Variants in RIMS2 observed in about 807,000 individuals in gnomAD.
The protein encoded by RIMS2 is regulating synaptic membrane exocytosis 2, also known as regulating synaptic membrane exocytosis protein 2.
A neutral mutation model predicts 174.4 loss-of-function variants in RIMS2; 59 were observed. That is an observed-to-expected ratio of 0.34 (90% CI 0.27 to 0.42). The LOEUF (loss-of-function observed/expected upper bound fraction) is 0.42. RIMS2 is among the 10% of genes least tolerant of loss of function. The pLI, the probability that RIMS2 is intolerant of heterozygous loss-of-function variation, is 1.00. For synonymous variants in RIMS2, 606 were observed against 572.5 expected, an observed-to-expected ratio of 1.06 and a Z score of -0.84; for missense variants, 1,620 against 1,666.3, an observed-to-expected ratio of 0.97 and a Z score of 0.48.
chr8:103,956,812 G>A (rs1407081191), intron 14 of RIMS2, among the ~76,000 whole-genome samples: 1 of 152,164 alleles, frequency 6.6e-6, no homozygotes, highest in Non-Finnish European at 1.5e-5. Flanking sequence ...GAGTGAACAG[G>A]CAACCTACAG....
At position 103,591,648 on chromosome 8, in the gene RIMS2, C is replaced by A. The variant is rs137908617; in HGVS notation, c.176+90586C>A. ...TTTTCCATATGGATATCCAGTTTTGCAGTATTAGTTGTTAAACAAAATTTT... is the reference window on the plus strand; with the variant it reads ...TTTTCCATATGGATATCCAGTTTTGAAGTATTAGTTGTTAAACAAAATTTT... On this transcript the variant is annotated intron_variant, in intron 1 of 23. Transcript: ENST00000504942. 6.2e-3 allele frequency among the ~76,000 whole-genome samples: 937 copies of A among 151,138 alleles called. 12 individuals carry two copies. The highest frequency in any genetic ancestry group is 0.021 in the African/African-American group (887 of 41,454).
At chr8:103,936,846 A>C in intron 13 of RIMS2, 124 bp downstream of exon 15, 50 of 686,242 alleles carry the variant, frequency 7.3e-5, no homozygotes, top group Non-Finnish European at 1.1e-4. Context: ...CTGTAATCTC[A>C]GCACTTTGGG....
intron 19 of RIMS2, among the ~76,000 whole-genome samples, chr8:104,211,939 A>G (rs2099107273): frequency 6.6e-6 from 1 of 152,234 alleles, no homozygotes; most frequent in South Asian, 2.1e-4. Flanking sequence ...AGTAGGATCG[A>G]CAGAATTTTA....
intron 1 of RIMS2, among the ~76,000 whole-genome samples, chr8:103,575,431 G>A (rs2093144184): frequency 2.0e-5 from 3 of 151,868 alleles, no homozygotes; most frequent in African/African-American, 4.8e-5. Context: ...CCATTCCTAG[G>A]TATATACTCA....
At chr8:103,614,138 T>A (rs912577260) in intron 1 of RIMS2, among the ~76,000 whole-genome samples, 2 of 152,234 alleles carry the variant, frequency 1.3e-5, no homozygotes, top group Non-Finnish European at 2.9e-5. Context: ...TGTCCTAGAC[T>A]GTCTTTTCAG....
rs568996923 is a variant in RIMS2, at chr8:104,065,689, T to G, written c.3334+51074T>G. ...TTATTCTTCTAGGAGGATTTGAAGT[T>G]ATAAGGTAAAAGGATATTTACTCAA... On this transcript the variant is annotated intron_variant, in intron 19 of 23. Transcript: ENST00000504942. 5.9e-5 allele frequency among the ~76,000 whole-genome samples: 9 copies of G among 152,230 alleles called. No individual in the cohort carries two copies. The Middle Eastern group carries it at 0.01, about 173-fold the overall frequency.
intron 3 of RIMS2, chr8:103,819,620 A>G (rs995904394): frequency 6.2e-7 from 1 of 1,611,958 alleles, no homozygotes. Flanking sequence ...CAAACACTGA[A>G]CAATGCAAGG....
chr8:103,636,052 C>G (rs769008017), intron 1 of RIMS2, among the ~76,000 whole-genome samples: 1 of 152,142 alleles, frequency 6.6e-6, no homozygotes, highest in African/African-American at 2.4e-5. Flanking sequence ...TACTCCAGGT[C>G]AGCTCACACT....
chr8:104,144,005 C>T (rs2098607150), intron 19 of RIMS2, among the ~76,000 whole-genome samples: 1 of 152,074 alleles, frequency 6.6e-6, no homozygotes, highest in South Asian at 2.1e-4. Context: ...AAACTTTGGC[C>T]CTATAGCATA....
At chr8:104,253,421 T>A (rs775044488), downstream of RIMS2, 8 of 152,214 alleles carry the variant, frequency 5.3e-5, no homozygotes, top group Non-Finnish European at 8.8e-5. Context: ...TCACAAATTA[T>A]ATTTCTAAAG....
chr8:103,719,595 G>C (rs1449548685), intron 2 of RIMS2, among the ~76,000 whole-genome samples: 1 of 151,988 alleles, frequency 6.6e-6, no homozygotes, highest in Non-Finnish European at 1.5e-5. Flanking sequence ...TGAACATGTT[G>C]GTCTTAGAGA....
chr8:103,787,049 C>G (rs553567021), intron 3 of RIMS2, among the ~76,000 whole-genome samples: 77 of 149,100 alleles, frequency 5.2e-4, no homozygotes, highest in African/African-American at 1.7e-3. Context: ...CTCTTTTGAT[C>G]TTTGTTGGTT....
At chr8:103,857,272 CT>C (rs1342476069) in intron 3 of RIMS2, among the ~76,000 whole-genome samples, 5 of 152,120 alleles carry the variant, frequency 3.3e-5, no homozygotes, top group African/African-American at 9.7e-5. Flanking sequence ...GCCTCAGAAT[CT>C]TTTATTGAGC....
At chr8:103,609,701 C>T (rs142058713) in intron 1 of RIMS2, among the ~76,000 whole-genome samples, 133 of 152,206 alleles carry the variant, frequency 8.7e-4, no homozygotes, top group Non-Finnish European at 1.5e-3. Context: ...GCCTATGTGT[C>T]TTTGTAACCG....
At chr8:104,097,941 C>T (rs2097791338) in intron 19 of RIMS2, among the ~76,000 whole-genome samples, 1 of 152,064 alleles carries the variant, frequency 6.6e-6, no homozygotes, top group African/African-American at 2.4e-5. Context: ...AAAAATTTAC[C>T]TCAGAGTTTA....
chr8:103,727,016 T>C (rs1219875271), intron 2 of RIMS2, among the ~76,000 whole-genome samples: 1 of 151,528 alleles, frequency 6.6e-6, no homozygotes, highest in Non-Finnish European at 1.5e-5. Flanking sequence ...GGATTACAGG[T>C]GTGAGCCACC....
intron 19 of RIMS2, among the ~76,000 whole-genome samples, chr8:104,054,635 G>A (rs548450743): frequency 6.6e-6 from 1 of 152,042 alleles, no homozygotes; most frequent in African/African-American, 2.4e-5. Flanking sequence ...TCATTTTCCA[G>A]GCTGATCACC....
intron 19 of RIMS2, among the ~76,000 whole-genome samples, chr8:104,144,028 G>A (rs897875042): frequency 6.6e-5 from 10 of 152,010 alleles, no homozygotes; most frequent in African/African-American, 2.4e-4. Context: ...AACTTCATTT[G>A]ATTTAATCAC....
At chr8:103,687,313 A>G (rs1234693834) in intron 1 of RIMS2, among the ~76,000 whole-genome samples, 3 of 151,586 alleles carry the variant, frequency 2.0e-5, no homozygotes, top group Non-Finnish European at 4.4e-5. Flanking sequence ...GCTGTAGGTA[A>G]TTTGTGTCTT....
Sources: gnomAD v4.1 joint callset for allele counts (sites outside exome capture counted in the v4.1 genomes callset) on GRCh38, gnomAD v4.1.1 for gene constraint, MANE v1.5 for transcripts, NCBI Gene and HGNC (gene_info 2026-07-23, HGNC 2026-07-21) for gene names.